Variants in ZNF215 observed in about 807,000 individuals in gnomAD.
ZNF215 encodes BWSCR2-associated zinc finger protein 2.
In ZNF215, 24 loss-of-function variants were observed where a neutral mutation model predicts 27.2. That is an observed-to-expected ratio of 0.88 (90% CI 0.64 to 1.24). ZNF215 has a LOEUF of 1.24. Among genes scored for constraint, ZNF215 ranks in the 50% most tolerant of loss-of-function variants. The pLI is 0.00. For synonymous variants in ZNF215, 210 were observed against 204.0 expected (o/e 1.03, Z -0.25); for missense variants, 675 against 605.7 (o/e 1.11, Z -1.20).
rs1486468387 is a variant in ZNF215 at position 6,943,548 on chromosome 11, C to T, written c.619C>T (p.His207Tyr). The T allele has an allele frequency of 1.2e-6, 2 of 1,612,936 alleles. No homozygotes were observed. The highest frequency in any genetic ancestry group is 1.3e-5 in the African/African-American group (1 of 74,828). Residue 207 changes from histidine (H) to tyrosine (Y), a missense_variant and splice_region_variant, in exon 6 of 7, where the codon CAT becomes TAT. His to Tyr is a moderately conservative substitution (Grantham distance 83, BLOSUM62 2). Transcript: ENST00000278319. ...CTTTTTATTTTCTCCATGAACAGCA[C>T]ATCTACTTTCCAAACCATTTGAGAG... Reference protein sequence around the residue: ...FRNLNSLRKAHLLSKPFESLK... With the variant: ...FRNLNSLRKAYLLSKPFESLK...
At chr11:6,961,594 A>T (rs2857896), downstream of ZNF215, among the ~76,000 whole-genome samples, 33,245 of 151,994 alleles carry the variant, frequency 0.22, 3,832 homozygotes, top group Non-Finnish European at 0.25. Context: ...GCAACACTTT[A>T]TGTTGAGTAG....
At chr11:6,981,020 T>C (rs1029987993) in intron 5 of ZNF215, among the ~76,000 whole-genome samples, 14 of 151,188 alleles carry the variant, frequency 9.3e-5, no homozygotes, top group African/African-American at 3.2e-4. Context: ...TGTTGGACAT[T>C]TGGGTTGGTT....
chr11:6,958,532 TCGC>T (rs1449887112), downstream of ZNF215, among the ~76,000 whole-genome samples: 1 of 149,720 alleles, frequency 6.7e-6, no homozygotes, highest in East Asian at 1.9e-4. Flanking sequence ...TAACATCTTC[TCGC>T]AGCCTTGTTT....
At chr11:6,969,406 G>A (rs900093706) in intron 5 of ZNF215, among the ~76,000 whole-genome samples, 3 of 151,774 alleles carry the variant, frequency 2.0e-5, no homozygotes, top group African/African-American at 4.8e-5. Flanking sequence ...GATTACTGAG[G>A]TATGATTGCC....
chr11:6,959,620 A>G (rs901846264), downstream of ZNF215, among the ~76,000 whole-genome samples: 15 of 152,216 alleles, frequency 9.9e-5, no homozygotes, highest in African/African-American at 3.6e-4. Context: ...ATAATCTTGA[A>G]TAAGAGGAAA....
At chr11:6,968,539 T>C (rs1372311839) in intron 5 of ZNF215, among the ~76,000 whole-genome samples, 2 of 151,366 alleles carry the variant, frequency 1.3e-5, no homozygotes, top group African/African-American at 4.9e-5. Context: ...TTTTTTTTTT[T>C]GAACAGGCAC....
At chr11:6,934,511 G>T in intron 3 of ZNF215, among the ~76,000 whole-genome samples, 1 of 152,170 alleles carries the variant, frequency 6.6e-6, no homozygotes, top group East Asian at 1.9e-4. Context: ...AATCAAGGTA[G>T]TGGTGGTACC....
At chr11:6,931,789 T>C (rs1266089633) in intron 2 of ZNF215, among the ~76,000 whole-genome samples, 1 of 152,188 alleles carries the variant, frequency 6.6e-6, no homozygotes, top group Non-Finnish European at 1.5e-5. Context: ...GTTGCTTAAT[T>C]TTAAGGTAAA....
rs532764001 is a variant in ZNF215, at chr11:6,941,560, A to C, written c.401-11A>C. ...ACTTGTCTCCCTAATATTTTCCTTC[A>C]TCTTCCTCAGATATGCCCTGCAAGG... is the stretch of plus-strand genomic sequence containing the variant. On this transcript the variant is annotated splice_polypyrimidine_tract_variant and intron_variant, in intron 3 of 6. Transcript: ENST00000278319. 1.4e-5 allele frequency: 23 copies of C among 1,611,960 alleles called. No homozygotes were observed. The highest frequency in any genetic ancestry group is 1.9e-5 in the Non-Finnish European group (22 of 1,179,314).
chr11:6,953,150 C>T (rs1476813952), intron 6 of ZNF215, among the ~76,000 whole-genome samples: 1 of 152,144 alleles, frequency 6.6e-6, no homozygotes, highest in Non-Finnish European at 1.5e-5. Context: ...CGACCTTTCT[C>T]TCTGGCTGCC....
rs987093110 is a variant in ZNF215, at chr11:6,983,442, A to T, written c.806-687A>T. On this transcript the variant is annotated intron_variant, in intron 5 of 5. Coordinates refer to the ZNF215 transcript ENST00000529903. ...CATCATCTTGATACCAAAGCCTGGC[A>T]GAGACACAAGCAAAAAAGAGAATTT... Among the ~76,000 whole-genome samples, 15 of 152,340 alleles carry T rather than the reference A, an allele frequency of 9.8e-5. No homozygotes were observed. In the East Asian group the frequency reaches 2.5e-3, roughly 25 times the overall value.
downstream of ZNF215, among the ~76,000 whole-genome samples, chr11:6,958,388 CTTA>C (rs1776135232): frequency 6.6e-6 from 1 of 152,144 alleles, no homozygotes; most frequent in South Asian, 2.1e-4. Flanking sequence ...AAGTAAAATA[CTTA>C]TTTTTTTCTC....
downstream of ZNF215, among the ~76,000 whole-genome samples, chr11:6,991,252 A>C (rs570276447): frequency 7.9e-5 from 12 of 152,364 alleles, no homozygotes; most frequent in African/African-American, 2.9e-4. Context: ...TCATGGTCAG[A>C]ATGGATGGCT....
chr11:6,952,601 A>T (rs1590066737), intron 6 of ZNF215, among the ~76,000 whole-genome samples: 1 of 151,532 alleles, frequency 6.6e-6, no homozygotes, highest in African/African-American at 2.4e-5. Flanking sequence ...ATCTTCCTCC[A>T]TCCTTTTATT....
intron 6 of ZNF215, among the ~76,000 whole-genome samples, chr11:6,953,035 TTTTG>T (rs1186038315): frequency 6.6e-6 from 1 of 152,236 alleles, no homozygotes; most frequent in Non-Finnish European, 1.5e-5. Context: ...TTGAAAATTC[TTTTG>T]TTTAAGAATG....
At chr11:6,950,580 T>G (rs1850014694) in intron 6 of ZNF215, among the ~76,000 whole-genome samples, 1 of 151,498 alleles carries the variant, frequency 6.6e-6, no homozygotes. Context: ...GTACATTGAT[T>G]TTGTATCCTG....
At position 6,932,131 on chromosome 11, in the gene ZNF215, T is replaced by C; in HGVS notation, c.-142T>C. ...CTGAATATTGGCTTTGTGTCTAAAG[T>C]TTCTGGAACTTTCCTCCTTACCGTG... On this transcript the variant is annotated 5_prime_UTR_variant, in exon 3 of 7. Coordinates refer to ENST00000278319, the MANE Select transcript of ZNF215 (RefSeq NM_013250.4). 1.9e-6 allele frequency: 2 copies of C among 1,056,726 alleles called. No homozygotes were observed. The highest frequency in any genetic ancestry group is 2.7e-6 in the Non-Finnish European group (2 of 750,964). The allele number at this position is 1,056,726 out of a possible 1,614,324, so 65.5% of individuals were successfully genotyped here.
chr11:6,941,688 T>G (rs759996979), intron 4 of ZNF215, 35 bp downstream of exon 4: 1 of 1,606,044 alleles, frequency 6.2e-7, no homozygotes, highest in East Asian at 2.2e-5. Flanking sequence ...TGAACACATA[T>G]GCTCATTTTT....
downstream of ZNF215, among the ~76,000 whole-genome samples, chr11:6,986,921 T>G (rs1314258786): frequency 5.3e-5 from 8 of 152,172 alleles, no homozygotes; most frequent in Non-Finnish European, 8.8e-5. Context: ...AAGGGAATAC[T>G]TATACATTGT....
Sources: gnomAD v4.1 joint callset for allele counts (sites outside exome capture counted in the v4.1 genomes callset) on GRCh38, gnomAD v4.1.1 for gene constraint, MANE v1.5 for transcripts, NCBI Gene and HGNC (gene_info 2026-07-23, HGNC 2026-07-21) for gene names.